The following EIF3I variants were observed in gnomAD, a reference collection of about 807,000 sequenced individuals.
EIF3I encodes eukaryotic translation initiation factor 3 subunit I, also known as TGF-beta receptor-interacting protein 1.
EIF3I carries 20 observed loss-of-function variants against 43.3 expected under a neutral mutation model. That is an observed-to-expected ratio of 0.46 (90% confidence interval 0.32 to 0.67). The LOEUF is 0.67. Ranked by LOEUF, EIF3I falls within the 30% of genes least tolerant of loss-of-function variation. EIF3I has a pLI of 0.03. For synonymous variants in EIF3I, 167 were observed against 151.7 expected, an observed-to-expected ratio of 1.10 and a Z score of -0.74; for missense variants, 279 against 421.4, an observed-to-expected ratio of 0.66 and a Z score of 2.96.
intron 6 of EIF3I, among the ~76,000 whole-genome samples, 189 bp downstream of exon 6, chr1:32,226,719 A>C (rs1474800039): frequency 6.7e-6 from 1 of 149,150 alleles, no homozygotes; most frequent in African/African-American, 2.5e-5. Flanking sequence ...GGTGCATGCC[A>C]CCGCACCTGG....
intron 4 of EIF3I, 118 bp from the exon 5 acceptor site, chr1:32,226,053 C>G (rs904011832): frequency 7.7e-7 from 1 of 1,294,560 alleles, no homozygotes; most frequent in African/African-American, 1.5e-5. Context: ...AGTTAAAATA[C>G]TTTTTAAGTT....
chr1:32,228,706 C>A, intron 7 of EIF3I, 21 bp from the exon 8 acceptor site: 1 of 1,609,578 alleles, frequency 6.2e-7, no homozygotes, highest in Non-Finnish European at 8.5e-7. Context: ...TACAGATTTC[C>A]CCCCTGCCTT....
exon 7 of EIF3I, chr1:32,228,506 A>T: frequency 6.2e-7 from 1 of 1,613,682 alleles, no homozygotes; most frequent in East Asian, 2.2e-5. Flanking sequence ...TAGTCTGGAG[A>T]GGTGTTGGTG....
chr1:32,232,155 G>A (rs1639247002), downstream of EIF3I: 1 of 152,286 alleles, frequency 6.6e-6, no homozygotes, highest in Non-Finnish European at 1.5e-5. Flanking sequence ...ACCACAGGGA[G>A]TGCATCTGAG....
intron 2 of EIF3I, 24 bp downstream of exon 2, chr1:32,222,654 C>T: frequency 6.3e-7 from 1 of 1,584,662 alleles, no homozygotes; most frequent in Non-Finnish European, 8.7e-7. Flanking sequence ...GGAGGGGGTC[C>T]GGGAGGGGCG....
At chr1:32,233,434 G>A (rs1639264407), downstream of EIF3I, among the ~76,000 whole-genome samples, 2 of 152,114 alleles carry the variant, frequency 1.3e-5, no homozygotes, top group South Asian at 4.1e-4. Context: ...GATTACAGGT[G>A]TGAGCCACCG....
rs1639035877 is a variant in EIF3I, at chr1:32,222,631, G to A, written c.96+1G>A. Reference sequence around the variant, plus strand: ...CCTCTTTACTGTGGCCAAGGACCCTGTGAGTGTTGGCTGGAGGGGGTCCGG... The same window carrying A: ...CCTCTTTACTGTGGCCAAGGACCCTATGAGTGTTGGCTGGAGGGGGTCCGG... On this transcript the variant is annotated splice_donor_variant, in intron 2 of 11. Coordinates refer to ENST00000676679, the Ensembl canonical transcript of EIF3I. LOFTEE classifies it high-confidence loss of function. 6.2e-7 allele frequency: 1 copy of A among 1,613,832 alleles called. No homozygotes were observed. The highest frequency in any genetic ancestry group is 1.3e-5 in the African/African-American group (1 of 74,914).
chr1:32,235,721 C>T (rs1313246003), downstream of EIF3I, among the ~76,000 whole-genome samples: 6 of 152,188 alleles, frequency 3.9e-5, no homozygotes, highest in Non-Finnish European at 8.8e-5. Flanking sequence ...TCTGGGGAAA[C>T]ACACAATGTC....
exon 12 of EIF3I, chr1:32,231,299 T>C: frequency 1.9e-6 from 2 of 1,049,742 alleles, no homozygotes; most frequent in Middle Eastern, 3.0e-4. Context: ...AAGACCAGCC[T>C]GACCAACATG....
chr1:32,231,088 G>A (rs757163158), intron 11 of EIF3I, 27 bp from the exon 11 acceptor site: 2 of 1,613,796 alleles, frequency 1.2e-6, no homozygotes, highest in South Asian at 2.2e-5. Flanking sequence ...GTAAGCACCT[G>A]ACTGGTGCCT....
chr1:32,231,199 A>G (rs1261613237), exon 12 of EIF3I: 1 of 1,613,788 alleles, frequency 6.2e-7, no homozygotes, highest in South Asian at 1.1e-5. Context: ...AGGCTTAAGA[A>G]GCTGGATCTC....
At chr1:32,234,694 G>A (rs1453648718), downstream of EIF3I, 7 of 152,510 alleles carry the variant, frequency 4.6e-5, no homozygotes, top group Admixed American at 4.6e-4. Flanking sequence ...GGGGTTGGGT[G>A]GTCACTTACT....
chr1:32,225,385 T>G (rs1025276063), intron 4 of EIF3I, among the ~76,000 whole-genome samples: 1 of 152,206 alleles, frequency 6.6e-6, no homozygotes, highest in Non-Finnish European at 1.5e-5. Context: ...GACAGATATA[T>G]TGCAGTCTAC....
At chr1:32,231,412 A>G, downstream of EIF3I, 1 of 464,276 alleles carries the variant, frequency 2.2e-6, no homozygotes, top group Non-Finnish European at 3.9e-6. Flanking sequence ...AATCACTTGA[A>G]CCCAGGAGGC....
At position 32,223,895 on chromosome 1, in the gene EIF3I, A is replaced by T. The variant is rs1233912806; in HGVS notation, c.97-139A>T. The T allele has an allele frequency of 9.7e-6, 7 of 725,366 alleles. No individual in the cohort carries two copies. The African/African-American group carries it at 1.2e-4, about 13-fold the overall frequency. 44.9% of individuals were successfully genotyped at this position (725,366 alleles called of 1,614,324 possible). On this transcript the variant is annotated intron_variant, in intron 2 of 11. Transcript: ENST00000676679. ...GAATCCAGGAGTTGGTCTTTTTACC[A>T]GCTCCCTGCTGTTTCCCAAGAAATA...
exon 1 of EIF3I, chr1:32,222,434 C>G (rs755243906): frequency 6.3e-7 from 1 of 1,598,416 alleles, no homozygotes; most frequent in South Asian, 1.1e-5. Flanking sequence ...CCTCGCGTCA[C>G]AGCCGGGATG....
downstream of EIF3I, among the ~76,000 whole-genome samples, chr1:32,232,550 C>T (rs928330187): frequency 2.0e-5 from 3 of 152,076 alleles, no homozygotes; most frequent in Admixed American, 6.5e-5. Context: ...AGAAAGAAGG[C>T]GGGAAAGGGC....
At chr1:32,226,620 G>T (rs1639151040) in intron 6 of EIF3I, 90 bp downstream of exon 6, 8 of 1,313,564 alleles carry the variant, frequency 6.1e-6, no homozygotes, top group Non-Finnish European at 7.8e-6. Flanking sequence ...AGGCTGGAGT[G>T]CAGTGGCGCC....
At chr1:32,234,533 C>T (rs1046594475), downstream of EIF3I, 2 of 152,922 alleles carry the variant, frequency 1.3e-5, no homozygotes, top group African/African-American at 2.4e-5. Flanking sequence ...CACACGCAGT[C>T]CAGGAAGAGG....
Sources: allele counts gnomAD v4.1 joint callset (sites outside exome capture counted in the v4.1 genomes callset), GRCh38; gene constraint gnomAD v4.1.1; transcripts MANE v1.5; gene names NCBI Gene and HGNC (gene_info 2026-07-23, HGNC 2026-07-21).